The following EYS variants were observed in gnomAD, a reference collection of about 807,000 sequenced individuals.
EYS encodes protein eyes shut homolog.
In EYS, 250 loss-of-function variants were observed where a neutral mutation model predicts 282.1. The ratio of observed to expected loss-of-function variants is 0.89; its 90% CI spans 0.80 to 0.98. The LOEUF (loss-of-function observed/expected upper bound fraction) is 0.98. EYS is among the 50% of genes least tolerant of loss of function. The pLI, the probability that EYS is intolerant of heterozygous loss-of-function variation, is 0.00. For missense variants in EYS, 4,016 were observed against 3,709.0 expected (o/e 1.08, Z -2.15); for synonymous variants, 1,355 against 1,282.9 (o/e 1.06, Z -1.20).
chr6:63,895,905 G>GTTTTT (rs10705427), intron 35 of EYS, among the ~76,000 whole-genome samples: 3 of 124,358 alleles, frequency 2.4e-5, no homozygotes, highest in Non-Finnish European at 3.3e-5. Context: ...ATCATGATTT[G>GTTTTT]TTTTTTTTTT....
chr6:64,147,868 C>G (rs1774572133), intron 31 of EYS, among the ~76,000 whole-genome samples: 1 of 152,174 alleles, frequency 6.6e-6, no homozygotes, highest in African/African-American at 2.4e-5. Context: ...AGTGCAGCTT[C>G]CCTGCAGCCA....
intron 28 of EYS, among the ~76,000 whole-genome samples, chr6:64,415,494 A>G (rs55970733): frequency 0.038 from 5,831 of 152,208 alleles, 363 homozygotes; most frequent in African/African-American, 0.13. Context: ...GTCCTAATAG[A>G]GAATTACTCT....
chr6:64,960,907 A>G (rs569787984), intron 14 of EYS, among the ~76,000 whole-genome samples: 3 of 152,160 alleles, frequency 2.0e-5, no homozygotes, highest in African/African-American at 4.8e-5. Flanking sequence ...AACATACAGT[A>G]TTTGGTTTTC....
chr6:64,549,773 A>G (rs1027521348), intron 26 of EYS, among the ~76,000 whole-genome samples: 15 of 147,870 alleles, frequency 1.0e-4, no homozygotes, highest in Non-Finnish European at 2.2e-4. Flanking sequence ...TTTACGGTAC[A>G]TGTGCAAAAC....
intron 30 of EYS, among the ~76,000 whole-genome samples, chr6:64,239,948 A>G (rs892429708): frequency 6.6e-6 from 1 of 152,108 alleles, no homozygotes; most frequent in Admixed American, 6.5e-5. Context: ...TAAGGAAGGG[A>G]TCCAGTTTAA....
chr6:65,181,038 C>T (rs1415416173), intron 12 of EYS, among the ~76,000 whole-genome samples: 3 of 152,050 alleles, frequency 2.0e-5, no homozygotes, highest in African/African-American at 4.8e-5. Flanking sequence ...CTTCCTTACA[C>T]CTCATACAAA....
intron 11 of EYS, among the ~76,000 whole-genome samples, chr6:65,313,828 T>A (rs1211950041): frequency 1.3e-5 from 2 of 152,154 alleles, no homozygotes; most frequent in African/African-American, 4.8e-5. Flanking sequence ...GTCTTTTCAA[T>A]ACATAAGTCA....
At chr6:64,302,367 T>C (rs564135668) in intron 30 of EYS, among the ~76,000 whole-genome samples, 5 of 152,316 alleles carry the variant, frequency 3.3e-5, no homozygotes, top group African/African-American at 9.6e-5. Flanking sequence ...TAATCAGTTA[T>C]GGCAAACAGA....
At chr6:65,194,073 A>C (rs919051127) in intron 12 of EYS, among the ~76,000 whole-genome samples, 1 of 151,946 alleles carries the variant, frequency 6.6e-6, no homozygotes, top group Admixed American at 6.6e-5. Flanking sequence ...TTTCGCCCAT[A>C]AACTTTGCTT....
chr6:64,168,870 T>C (rs184576316), intron 31 of EYS, among the ~76,000 whole-genome samples: 30 of 152,296 alleles, frequency 2.0e-4, no homozygotes. Context: ...GTAAAATTTA[T>C]GCTATGTCAG....
At chr6:63,839,575 C>T (rs1581878022) in intron 36 of EYS, among the ~76,000 whole-genome samples, 1 of 152,056 alleles carries the variant, frequency 6.6e-6, no homozygotes, top group East Asian at 1.9e-4. Flanking sequence ...TTTTGAACTC[C>T]TGGGCTCAAG....
At chr6:64,019,478 T>G (rs1342632072) in intron 33 of EYS, among the ~76,000 whole-genome samples, 2 of 152,004 alleles carry the variant, frequency 1.3e-5, no homozygotes, top group African/African-American at 4.8e-5. Context: ...TGGCGTGATC[T>G]CAGCTTGCTA....
chr6:65,565,715 T>G (rs1333049356), intron 2 of EYS, among the ~76,000 whole-genome samples: 1 of 152,088 alleles, frequency 6.6e-6, no homozygotes, highest in Non-Finnish European at 1.5e-5. Context: ...CTATCAGTGA[T>G]AGGCTGGATA....
chr6:65,616,987 A>G (rs1005074319), intron 2 of EYS, among the ~76,000 whole-genome samples: 1 of 152,168 alleles, frequency 6.6e-6, no homozygotes, highest in Non-Finnish European at 1.5e-5. Flanking sequence ...AAACATTAAA[A>G]CAAATAAAAA....
intron 12 of EYS, among the ~76,000 whole-genome samples, chr6:65,246,772 T>G (rs1192930536): frequency 6.6e-6 from 1 of 152,120 alleles, no homozygotes; most frequent in African/African-American, 2.4e-5. Context: ...ATCAAAAACT[T>G]TTAAAACAAC....
At chr6:63,999,041 A>G (rs1046177350) in intron 34 of EYS, 34 bp downstream of exon 34, 11 of 1,282,704 alleles carry the variant, frequency 8.6e-6, no homozygotes, top group African/African-American at 1.5e-5. Context: ...TGAGGGCACA[A>G]TTAGTGTTTG....
At chr6:64,708,625 A>G (rs1771108848) in intron 22 of EYS, among the ~76,000 whole-genome samples, 1 of 152,192 alleles carries the variant, frequency 6.6e-6, no homozygotes, top group South Asian at 2.1e-4. Context: ...TATTTGGGAA[A>G]AAAAAAGTCT....
chr6:64,320,111 C>A (rs905198003), intron 29 of EYS, among the ~76,000 whole-genome samples: 1 of 151,798 alleles, frequency 6.6e-6, no homozygotes, highest in East Asian at 1.9e-4. Context: ...TTTTTAAAGT[C>A]AGCACTTAAA....
chr6:64,569,766 G>T (rs1298464679), intron 26 of EYS, among the ~76,000 whole-genome samples: 1 of 151,776 alleles, frequency 6.6e-6, no homozygotes, highest in African/African-American at 2.4e-5. Flanking sequence ...AAAAGGAACA[G>T]ACAAAGCCTC....
Sources: gnomAD v4.1 joint callset for allele counts (sites outside exome capture counted in the v4.1 genomes callset) on GRCh38, gnomAD v4.1.1 for gene constraint, MANE v1.5 for transcripts, NCBI Gene and HGNC (gene_info 2026-07-23, HGNC 2026-07-21) for gene names.